PEBP4: variants seen among roughly 807,000 people sequenced by gnomAD.
PEBP4 encodes the protein phosphatidylethanolamine binding protein 4.
A neutral mutation model predicts 23.9 loss-of-function variants in PEBP4; 22 were observed. The observed-to-expected ratio is 0.92, with a 90% CI of 0.66 to 1.31. The LOEUF is 1.31. Among genes scored for constraint, PEBP4 ranks in the 40% most tolerant of loss-of-function variants. PEBP4 has a pLI of 0.00. For missense variants in PEBP4, 324 were observed against 281.7 expected, an observed-to-expected ratio of 1.15 and a Z score of -1.07; for synonymous variants, 112 against 99.3, an observed-to-expected ratio of 1.13 and a Z score of -0.76.
chr8:22,844,434 T>C (rs1363556286), intron 3 of PEBP4, among the ~76,000 whole-genome samples: 1 of 152,078 alleles, frequency 6.6e-6, no homozygotes, highest in Non-Finnish European at 1.5e-5. Flanking sequence ...AGACGGGCTT[T>C]CTCCATGTTG....
Position 22,866,248 on chromosome 8 carries a change from C to T in PEBP4, c.259-48513G>A, listed in dbSNP as rs147308408. On this transcript the variant is annotated intron_variant, in intron 3 of 6. Coordinates refer to ENST00000256404, the MANE Select transcript of PEBP4 (RefSeq NM_144962.3). The stretch of plus-strand genomic sequence containing the variant: ...CTAATATATGTACGACACAAGGCCA[C>T]GCAGGCCAATCTTGGGTCCTGTGGT... Among the ~76,000 whole-genome samples, 134 of 152,344 alleles carry T rather than the reference C, an allele frequency of 8.8e-4. 3 individuals are homozygous for T. In the East Asian group the frequency reaches 0.022, roughly 25 times the overall value.
chr8:22,715,999 T>C (rs1804409905), intron 6 of PEBP4, among the ~76,000 whole-genome samples: 1 of 152,006 alleles, frequency 6.6e-6, no homozygotes, highest in African/African-American at 2.4e-5. Context: ...AGCGCTGCTG[T>C]CTGTGCTTGG....
At chr8:22,905,878 C>T (rs1808801106) in intron 3 of PEBP4, among the ~76,000 whole-genome samples, 1 of 152,132 alleles carries the variant, frequency 6.6e-6, no homozygotes, top group African/African-American at 2.4e-5. Flanking sequence ...CCCTGTTTCC[C>T]ATCTGAGGTG....
At chr8:22,916,921 C>T (rs963080432) in intron 3 of PEBP4, among the ~76,000 whole-genome samples, 1 of 152,192 alleles carries the variant, frequency 6.6e-6, no homozygotes, top group African/African-American at 2.4e-5. Flanking sequence ...AAGAAAAGAT[C>T]AGCCAGGGAT....
intron 4 of PEBP4, among the ~76,000 whole-genome samples, chr8:22,739,227 G>A (rs1293540801): frequency 2.6e-5 from 4 of 152,204 alleles, no homozygotes; most frequent in Non-Finnish European, 5.9e-5. Flanking sequence ...CACCCCAGGT[G>A]CTGCCCTCCT....
At chr8:22,910,753 A>G (rs573868498) in intron 3 of PEBP4, among the ~76,000 whole-genome samples, 1 of 152,350 alleles carries the variant, frequency 6.6e-6, no homozygotes, top group African/African-American at 2.4e-5. Context: ...CATTCTGGAG[A>G]AGGCAAAACT....
intron 3 of PEBP4, among the ~76,000 whole-genome samples, chr8:22,899,620 C>T (rs1188602919): frequency 6.6e-6 from 1 of 152,198 alleles, no homozygotes; most frequent in Admixed American, 6.5e-5. Context: ...GGCAGTGGTG[C>T]CTCTCATCTC....
intron 4 of PEBP4, among the ~76,000 whole-genome samples, chr8:22,746,515 C>T (rs751498168): frequency 1.3e-5 from 2 of 151,996 alleles, no homozygotes; most frequent in African/African-American, 2.4e-5. Context: ...CTCTCCTTCC[C>T]TTCACTGCCT....
intron 3 of PEBP4, among the ~76,000 whole-genome samples, chr8:22,860,168 GTATATATATATACACATATA>G (rs1563240315): frequency 8.1e-6 from 1 of 122,766 alleles, no homozygotes; most frequent in African/African-American, 3.0e-5. Context: ...ACATATATAT[GTATATATATATACACATATA>G]TATGTATATA....
At chr8:22,761,370 C>T (rs1585259126) in intron 4 of PEBP4, among the ~76,000 whole-genome samples, 2 of 152,102 alleles carry the variant, frequency 1.3e-5, no homozygotes, top group Admixed American at 6.5e-5. Flanking sequence ...GCATGTGTGG[C>T]TCCTGACATG....
intron 6 of PEBP4, among the ~76,000 whole-genome samples, chr8:22,719,485 C>T (rs886781004): frequency 1.3e-5 from 2 of 151,650 alleles, no homozygotes; most frequent in African/African-American, 2.4e-5. Context: ...GGGGTGTGTG[C>T]GTGGACCATT....
upstream of PEBP4, among the ~76,000 whole-genome samples, chr8:22,928,365 C>T (rs536649380): frequency 6.6e-6 from 1 of 151,754 alleles, no homozygotes; most frequent in Non-Finnish European, 1.5e-5. Context: ...GGGCCAGCTC[C>T]GAAGGGCCAG....
chr8:22,892,547 G>A (rs1461574610), intron 3 of PEBP4, among the ~76,000 whole-genome samples: 2 of 152,124 alleles, frequency 1.3e-5, no homozygotes, highest in Non-Finnish European at 2.9e-5. Flanking sequence ...GCTAGAGTAT[G>A]GTTTCCATTT....
At chr8:22,716,718 T>C (rs1804426643) in intron 6 of PEBP4, among the ~76,000 whole-genome samples, 1 of 152,214 alleles carries the variant, frequency 6.6e-6, no homozygotes, top group East Asian at 1.9e-4. Context: ...TCTGAGAGAC[T>C]GAGAGGTGCT....
chr8:22,898,633 C>T (rs1031055231), intron 3 of PEBP4, among the ~76,000 whole-genome samples: 3 of 152,138 alleles, frequency 2.0e-5, no homozygotes, highest in East Asian at 3.8e-4. Context: ...TCCCCTCACG[C>T]CCTGCACACC....
chr8:22,738,569 C>A (rs1206009928), intron 4 of PEBP4, among the ~76,000 whole-genome samples: 1 of 152,048 alleles, frequency 6.6e-6, no homozygotes, highest in Non-Finnish European at 1.5e-5. Context: ...CAGAATGAGG[C>A]CAAGGGGGCC....
At chr8:22,802,847 G>T (rs1306570752) in intron 4 of PEBP4, among the ~76,000 whole-genome samples, 1 of 152,142 alleles carries the variant, frequency 6.6e-6, no homozygotes, top group Admixed American at 6.5e-5. Flanking sequence ...GATCAAGTAT[G>T]GAATTATAAA....
At chr8:22,755,659 A>G (rs12682145) in intron 4 of PEBP4, 29,773 of 152,120 alleles carry the variant, frequency 0.2, 3,314 homozygotes, top group East Asian at 0.52. Context: ...CTTTTCTAAC[A>G]TCATTTTTGT....
chr8:22,887,196 G>C (rs1808400188), intron 3 of PEBP4: 1 of 151,720 alleles, frequency 6.6e-6, no homozygotes, highest in Non-Finnish European at 1.5e-5. Flanking sequence ...TTGCTCAGGT[G>C]GAAGTGCAAT....
Sources: allele counts gnomAD v4.1 joint callset (sites outside exome capture counted in the v4.1 genomes callset), GRCh38; gene constraint gnomAD v4.1.1; transcripts MANE v1.5; gene names NCBI Gene and HGNC (gene_info 2026-07-23, HGNC 2026-07-21).